Variants in FILIP1L observed in about 807,000 individuals in gnomAD.
FILIP1L encodes filamin A-interacting protein 1-like.
Under a neutral mutation model 96.6 loss-of-function variants are expected in FILIP1L, and 55 were observed. The ratio of observed to expected loss-of-function variants is 0.57; its 90% CI spans 0.46 to 0.71. The LOEUF (loss-of-function observed/expected upper bound fraction) is 0.71, where lower values mean the gene tolerates loss of function less well. Among genes scored for constraint, FILIP1L ranks in the 30% least tolerant of loss-of-function variants. The probability of loss-of-function intolerance (pLI) is 0.00; values close to 1 mark genes in which losing one functional copy is unlikely to be tolerated. For synonymous variants in FILIP1L, 467 were observed against 473.9 expected, an observed-to-expected ratio of 0.99 and a Z score of 0.19; for missense variants, 1,304 against 1,321.2, an observed-to-expected ratio of 0.99 and a Z score of 0.20.
intron 4 of FILIP1L, among the ~76,000 whole-genome samples, chr3:99,888,132 G>A (rs1213356335): frequency 1.3e-5 from 2 of 152,114 alleles, no homozygotes; most frequent in Non-Finnish European, 2.9e-5. Context: ...TTAAATGTCT[G>A]CTCTGAGAAT....
chr3:99,872,196 G>A (rs1489457168), intron 4 of FILIP1L, among the ~76,000 whole-genome samples: 5 of 151,276 alleles, frequency 3.3e-5, no homozygotes, highest in Admixed American at 3.3e-4. Context: ...CTTCTGTAAA[G>A]TGAGGCATTT....
At chr3:100,080,479 T>A (rs949711790) in intron 1 of FILIP1L, among the ~76,000 whole-genome samples, 2 of 152,184 alleles carry the variant, frequency 1.3e-5, no homozygotes, top group African/African-American at 4.8e-5. Flanking sequence ...AATTTTATAG[T>A]AAGAGATGGG....
intron 5 of FILIP1L, among the ~76,000 whole-genome samples, chr3:99,842,503 C>T (rs1373610133): frequency 4.7e-5 from 3 of 63,838 alleles, no homozygotes; most frequent in African/African-American, 2.7e-4. Context: ...TTAAAACAGG[C>T]CAAAAAAAAA....
chr3:99,882,032 G>T (rs1163472729), intron 4 of FILIP1L, among the ~76,000 whole-genome samples: 1 of 152,168 alleles, frequency 6.6e-6, no homozygotes, highest in African/African-American at 2.4e-5. Flanking sequence ...GAGTAGAACA[G>T]TTAGGTAAAT....
intron 5 of FILIP1L, among the ~76,000 whole-genome samples, chr3:99,841,916 A>G (rs1395654789): frequency 6.6e-6 from 1 of 152,198 alleles, no homozygotes; most frequent in African/African-American, 2.4e-5. Context: ...CATGGAAAAC[A>G]GTGTGGAGAT....
rs1942602615 is a variant in FILIP1L at position 99,829,417 on chromosome 3, T to G, written c.*997A>C. ...TTGCTTTAGCTTTCTGCCAGGGGAC[T>G]GTGTCTACCCTTATAGATGACTGTT... On this transcript the variant is annotated 3_prime_UTR_variant, in exon 6 of 6. Coordinates refer to ENST00000477258, the MANE Select transcript of FILIP1L (RefSeq NM_001387850.1). Among the ~76,000 whole-genome samples the G allele has an allele frequency of 6.6e-6, 1 of 152,232 alleles. No individual in the cohort carries two copies. The highest frequency in any genetic ancestry group is 1.5e-5 in the Non-Finnish European group (1 of 68,046).
At chr3:99,907,210 T>C (rs914232725) in intron 4 of FILIP1L, among the ~76,000 whole-genome samples, 2 of 152,150 alleles carry the variant, frequency 1.3e-5, no homozygotes, top group Non-Finnish European at 2.9e-5. Context: ...TGGAATGGTG[T>C]GGAATAGTTA....
intron 1 of FILIP1L, chr3:100,023,353 C>T (rs1171729232): frequency 1.3e-5 from 2 of 152,564 alleles, no homozygotes; most frequent in Non-Finnish European, 2.9e-5. Flanking sequence ...GTCTGAAAGT[C>T]AAACATGGAT....
intron 1 of FILIP1L, among the ~76,000 whole-genome samples, chr3:100,103,225 A>G (rs1189309409): frequency 6.6e-6 from 1 of 152,180 alleles, no homozygotes. Flanking sequence ...AAAGAAGCCC[A>G]CTCAGACCAT....
At chr3:100,070,623 TTTG>T (rs1229617694) in intron 1 of FILIP1L, among the ~76,000 whole-genome samples, 8 of 152,096 alleles carry the variant, frequency 5.3e-5, no homozygotes, top group African/African-American at 1.7e-4. Context: ...GTGGGGTTTT[TTTG>T]TTGTTGTTGT....
At chr3:100,082,634 A>C (rs909679304) in intron 1 of FILIP1L, among the ~76,000 whole-genome samples, 1 of 152,196 alleles carries the variant, frequency 6.6e-6, no homozygotes, top group Non-Finnish European at 1.5e-5. Flanking sequence ...AGGGTCCCAC[A>C]GGGTAACTAT....
intron 4 of FILIP1L, among the ~76,000 whole-genome samples, chr3:99,864,419 G>T (rs1168248027): frequency 6.6e-6 from 1 of 152,056 alleles, no homozygotes; most frequent in Admixed American, 6.6e-5. Context: ...TTCTCATTTT[G>T]CAGATGGAGG....
intron 1 of FILIP1L, among the ~76,000 whole-genome samples, chr3:99,985,889 T>C (rs1484101920): frequency 2.0e-5 from 3 of 152,122 alleles, no homozygotes; most frequent in Non-Finnish European, 4.4e-5. Context: ...GCACCGGGCC[T>C]GAGAAAAGCT....
At chr3:99,919,752 GA>G (rs1297282875) in intron 4 of FILIP1L, among the ~76,000 whole-genome samples, 1 of 152,126 alleles carries the variant, frequency 6.6e-6, no homozygotes, top group Non-Finnish European at 1.5e-5. Context: ...GATTGATGGT[GA>G]AAATACTTGT....
intron 4 of FILIP1L, 62 bp downstream of exon 4, chr3:99,924,168 C>G: frequency 7.2e-7 from 1 of 1,380,490 alleles, no homozygotes; most frequent in Non-Finnish European, 1.0e-6. Context: ...TCCCTGAGAC[C>G]TGGTACAGTG....
chr3:100,026,219 C>T (rs2107245478), intron 1 of FILIP1L, among the ~76,000 whole-genome samples: 1 of 152,148 alleles, frequency 6.6e-6, no homozygotes, highest in East Asian at 1.9e-4. Flanking sequence ...TTTTAAAATA[C>T]TTTGTCAAAA....
intron 4 of FILIP1L, among the ~76,000 whole-genome samples, chr3:99,852,432 A>G (rs1419089988): frequency 2.6e-5 from 4 of 151,860 alleles, no homozygotes; most frequent in Non-Finnish European, 5.9e-5. Context: ...ATTTGAGAGA[A>G]CTTTTTATTT....
chr3:99,902,563 A>G (rs1212950884), intron 4 of FILIP1L, among the ~76,000 whole-genome samples: 1 of 152,220 alleles, frequency 6.6e-6, no homozygotes, highest in Non-Finnish European at 1.5e-5. Flanking sequence ...AATTCAAACT[A>G]TATCTGAAAA....
rs1009628799 is a variant in FILIP1L at position 100,110,803 on chromosome 3, C to T, written c.-11+3250G>A. On this transcript the variant is annotated intron_variant, in intron 1 of 5. Transcript: ENST00000477258. ...ATGATAAACTGCTTCTTCACAACAGCCTACTTATGCTTGCACCAGAAGCAG... is the reference window on the plus strand; with the variant it reads ...ATGATAAACTGCTTCTTCACAACAGTCTACTTATGCTTGCACCAGAAGCAG... Among the ~76,000 whole-genome samples the T allele has an allele frequency of 8.5e-5, 13 of 152,200 alleles. No individual in the cohort carries two copies. In the South Asian group the frequency reaches 2.1e-3, roughly 24 times the overall value.
Sources: allele counts gnomAD v4.1 joint callset (sites outside exome capture counted in the v4.1 genomes callset), GRCh38; gene constraint gnomAD v4.1.1; transcripts MANE v1.5; gene names NCBI Gene and HGNC (gene_info 2026-07-23, HGNC 2026-07-21).